Variants in CEP104 observed in about 807,000 individuals in gnomAD.
The protein encoded by CEP104 is centrosomal protein 104.
In CEP104, 84 loss-of-function variants were observed where a neutral mutation model predicts 113.3. The ratio of observed to expected loss-of-function variants is 0.74; its 90% confidence interval spans 0.62 to 0.89. CEP104 has a LOEUF of 0.89. CEP104 is among the 40% of genes least tolerant of loss of function. The pLI, the probability that CEP104 is intolerant of heterozygous loss-of-function variation, is 0.00. For missense variants in CEP104, 1,053 were observed against 1,156.6 expected (o/e 0.91, Z 1.30); for synonymous variants, 378 against 421.7 (o/e 0.90, Z 1.27).
chr1:3,835,440 G>T (rs1257652781), intron 10 of CEP104, among the ~76,000 whole-genome samples: 1 of 152,116 alleles, frequency 6.6e-6, no homozygotes, highest in African/African-American at 2.4e-5. Flanking sequence ...CAGTGGCTCG[G>T]CTCACTGCAA....
In CEP104 at chr1:3,837,406, C is replaced by G; in HGVS notation, c.1005G>C (p.Gln335His). 1 of 1,614,206 alleles carries G rather than the reference C, an allele frequency of 6.2e-7. No individual in the cohort carries two copies. Among genetic ancestry groups the G allele is most frequent in the South Asian group, 1.1e-5 (1 of 91,084 alleles). The change falls in exon 9 of 22, where the codon CAG becomes CAC. Residue 335 changes from glutamine to histidine, a missense_variant. Gln to His is a conservative substitution (Grantham distance 24, BLOSUM62 0). Transcript: ENST00000378230. ...TTTCCTGAAGGAAAGGTTCTGCAAA[C>G]TGGTTTTCTGTTCCTCTTTCTTCCA... is the stretch of plus-strand genomic sequence containing the variant. ...PQLEERGTEN[Q>H]FAEPFLQEKP...
At position 3,835,904 on chromosome 1, in the gene CEP104, T is replaced by C. The variant is rs114962915; in HGVS notation, c.1317+591A>G. ...AGGCACGGTGGCTAATGTTTGTAAT[T>C]CCAGCACTTTGGGAGGCCAAGGCCA... On this transcript the variant is annotated intron_variant, in intron 10 of 21. Coordinates refer to ENST00000378230, the MANE Select transcript of CEP104 (RefSeq NM_014704.4). Among the ~76,000 whole-genome samples the C allele has an allele frequency of 6.0e-3, 906 of 151,920 alleles. 10 individuals are homozygous for C. The highest frequency in any genetic ancestry group is 0.02 in the African/African-American group (844 of 41,434).
chr1:3,824,425 G>C (rs903553443), intron 18 of CEP104, among the ~76,000 whole-genome samples: 1 of 152,120 alleles, frequency 6.6e-6, no homozygotes, highest in African/African-American at 2.4e-5. Context: ...CCTAATATAG[G>C]GGATGGGGAA....
In CEP104 at chr1:3,823,658, G is replaced by A; in HGVS notation, c.2365-96C>T. ...CCTGTGAGCGCCTCCCCTGCCCAGG[G>A]AGGTCTGTGCCGCCTGCACATGAAG... is the stretch of plus-strand genomic sequence containing the variant. On this transcript the variant is annotated intron_variant, in intron 18 of 21. Transcript: ENST00000378230. This position sits in a 1 kb window ranked among gnomAD's most constrained non-coding sequence, Gnocchi z 4.1. 1 of 1,498,266 alleles carries A rather than the reference G, an allele frequency of 6.7e-7. No homozygotes were observed. Among genetic ancestry groups the A allele is most frequent in the Non-Finnish European group, 9.2e-7 (1 of 1,088,736 alleles). 92.8% of individuals were successfully genotyped at this position (1,498,266 alleles called of 1,614,324 possible).
chr1:3,820,022 C>G (rs560167517), intron 20 of CEP104, among the ~76,000 whole-genome samples: 2 of 152,034 alleles, frequency 1.3e-5, no homozygotes, highest in Non-Finnish European at 2.9e-5. Context: ...AGCCTGGCTC[C>G]GGACCCAGGG....
chr1:3,854,732 G>T (rs997520095), intron 1 of CEP104, among the ~76,000 whole-genome samples: 1 of 150,910 alleles, frequency 6.6e-6, no homozygotes, highest in African/African-American at 2.4e-5. Flanking sequence ...GCCCGCCTTG[G>T]CCTCCCAAAG....
chr1:3,830,637 T>C (rs1274347797), intron 13 of CEP104, among the ~76,000 whole-genome samples: 1 of 151,634 alleles, frequency 6.6e-6, no homozygotes, highest in African/African-American at 2.4e-5. Flanking sequence ...TAGCCGGGCA[T>C]GGTGGTGGGC....
Position 3,824,024 on chromosome 1 carries a change from C to T in CEP104, c.2365-462G>A, listed in dbSNP as rs375467333. On this transcript the variant is annotated intron_variant, in intron 18 of 21. Transcript: ENST00000378230. ...TTGTATATACTCTATAACTTCAGGCCGCAGGACTTGACACACTGTGAGCCA... is the reference window on the plus strand; with the variant it reads ...TTGTATATACTCTATAACTTCAGGCTGCAGGACTTGACACACTGTGAGCCA... Among the ~76,000 whole-genome samples the T allele has an allele frequency of 9.9e-5, 15 of 152,276 alleles. No individual in the cohort carries two copies. The South Asian group carries it at 2.9e-3, about 29-fold the overall frequency.
chr1:3,835,148 A>C, intron 10 of CEP104, 56 bp from the exon 11 acceptor site: 4 of 1,383,078 alleles, frequency 2.9e-6, no homozygotes, highest in Non-Finnish European at 3.9e-6. Flanking sequence ...CCAACACTAC[A>C]CAACTTGAAG....
At chr1:3,830,137 A>G (rs919180165) in intron 13 of CEP104, 140 bp from the exon 14 acceptor site, 4 of 642,268 alleles carry the variant, frequency 6.2e-6, no homozygotes, top group African/African-American at 5.5e-5. Context: ...CTTCAAACAT[A>G]AAACCTCACG....
At chr1:3,839,963 A>C (rs558550657) in intron 6 of CEP104, among the ~76,000 whole-genome samples, 187 bp from the exon 7 acceptor site, 1 of 152,298 alleles carries the variant, frequency 6.6e-6, no homozygotes, top group South Asian at 2.1e-4. Context: ...AATTGCAAGC[A>C]GGCCTTTCTG....
chr1:3,815,215 G>A lies in CEP104; in HGVS notation c.*187C>T. ...TCCTGGCACTGCACGCAGGATCTTT[G>A]GTTAGCTGCATCCATATCGTTTGCA... On this transcript the variant is annotated 3_prime_UTR_variant, in exon 22 of 22. Coordinates refer to ENST00000378230, the MANE Select transcript of CEP104 (RefSeq NM_014704.4). The A allele has an allele frequency of 1.7e-6, 1 of 591,552 alleles. No homozygotes were observed. Among genetic ancestry groups the A allele is most frequent in the East Asian group, 2.9e-5 (1 of 34,952 alleles). The allele number at this position is 591,552 out of a possible 1,614,324, so 36.6% of individuals were successfully genotyped here. A position where few individuals can be genotyped will look rare whatever the true frequency, so the allele number is the denominator to read the frequency against.
intron 13 of CEP104, 136 bp downstream of exon 13, chr1:3,830,910 G>T: frequency 1.1e-6 from 1 of 914,386 alleles, no homozygotes; most frequent in Non-Finnish European, 1.6e-6. Context: ...CCATTTGTTG[G>T]ATGAAACACT....
At chr1:3,835,164 G>GTTT in intron 10 of CEP104, 72 bp from the exon 11 acceptor site, 18 of 1,009,430 alleles carry the variant, frequency 1.8e-5, no homozygotes, top group Admixed American at 3.8e-5. Context: ...TGAAGGCTTT[G>GTTT]TTTTTTTTTT....
intron 4 of CEP104, 125 bp from the exon 5 acceptor site, chr1:3,845,476 GGCTCACT>G: frequency 1.4e-6 from 1 of 709,708 alleles, no homozygotes; most frequent in Non-Finnish European, 2.4e-6. Context: ...GTGTGATCAT[GGCTCACT>G]GCAGCCTTGA....
At chr1:3,820,271 C>G (rs936442580) in intron 20 of CEP104, among the ~76,000 whole-genome samples, 1 of 152,126 alleles carries the variant, frequency 6.6e-6, no homozygotes, top group Non-Finnish European at 1.5e-5. Flanking sequence ...TAGTAGGAAA[C>G]CAATGGCAAT....
rs377753054 is a variant in CEP104 at position 3,823,392 on chromosome 1, G to A, written c.2503+32C>T. On this transcript the variant is annotated intron_variant, in intron 19 of 21. Transcript: ENST00000378230. This position sits in a 1 kb window ranked among gnomAD's most constrained non-coding sequence, Gnocchi z 4.1. ...CCTCCAAGAGGACCCCTGGTGACCC[G>A]AGGGCACGGGAGCCTGGGAAGGGGC... The A allele has an allele frequency of 6.1e-4, 982 of 1,614,062 alleles. 1 individual carries two copies. Among genetic ancestry groups the A allele is most frequent in the Non-Finnish European group, 7.8e-4 (924 of 1,179,942 alleles).
At chr1:3,845,093 T>C in intron 5 of CEP104, 110 bp from the exon 6 acceptor site, 1 of 974,508 alleles carries the variant, frequency 1.0e-6, no homozygotes, top group South Asian at 1.4e-5. Flanking sequence ...TCAATGATCC[T>C]CATCTTTTGG....
chr1:3,829,733 T>C lies in CEP104; in HGVS notation c.2043+58A>G. ...CATATTTACTTATTTACGTACCGAG[T>C]AACTGAGTAACTTCTTCAACACAGG... On this transcript the variant is annotated intron_variant, in intron 14 of 21. Transcript: ENST00000378230. 3 of 1,522,964 alleles carry C rather than the reference T, an allele frequency of 2.0e-6. No individual in the cohort carries two copies. The South Asian group carries it at 3.4e-5, about 17-fold the overall frequency. The allele number at this position is 1,522,964 out of a possible 1,614,324, so 94.3% of individuals were successfully genotyped here.
Sources: gnomAD v4.1 joint callset for allele counts (sites outside exome capture counted in the v4.1 genomes callset) on GRCh38, gnomAD v4.1.1 for gene constraint, Gnocchi (gnomAD v3.1) non-coding constraint, MANE v1.5 for transcripts, NCBI Gene and HGNC (gene_info 2026-07-23, HGNC 2026-07-21) for gene names.